The following STARD6 variants were observed in gnomAD, a reference collection of about 807,000 sequenced individuals.
The protein encoded by STARD6 is stAR-related lipid transfer protein 6.
STARD6 carries 21 observed loss-of-function variants against 22.3 expected under a neutral mutation model. That is an observed-to-expected ratio of 0.94 (90% confidence interval 0.67 to 1.35). The LOEUF (loss-of-function observed/expected upper bound fraction) is 1.35, where lower values mean the gene tolerates loss of function less well. Among genes scored for constraint, STARD6 ranks in the 40% most tolerant of loss-of-function variants. The pLI is 0.00. For synonymous variants in STARD6, 80 were observed against 88.1 expected, an observed-to-expected ratio of 0.91 and a Z score of 0.52; for missense variants, 269 against 266.9, an observed-to-expected ratio of 1.01 and a Z score of -0.05.
rs116687483 is a variant in STARD6 at position 54,344,851 on chromosome 18, T to C, written c.141-7600A>G. ...AGCATACGACAAAATCCAACACCCA[T>C]TCAGGATAAAGCATTCATAGAATGA... On this transcript the variant is annotated intron_variant, in intron 4 of 7. Coordinates refer to ENST00000307844, the MANE Select transcript of STARD6 (RefSeq NM_139171.2). 8.7e-3 allele frequency among the ~76,000 whole-genome samples: 1,324 copies of C among 152,178 alleles called. 19 individuals are homozygous for C. Among genetic ancestry groups the C allele is most frequent in the African/African-American group, 0.03 (1,253 of 41,528 alleles).
At chr18:54,352,801 A>T (rs574964446) in intron 4 of STARD6, among the ~76,000 whole-genome samples, 1 of 152,290 alleles carries the variant, frequency 6.6e-6, no homozygotes, top group South Asian at 2.1e-4. Context: ...TTTGTATAGC[A>T]CTCTCTAAAT....
chr18:54,328,598 A>G (rs1002768126), intron 7 of STARD6, among the ~76,000 whole-genome samples: 2 of 151,918 alleles, frequency 1.3e-5, no homozygotes, highest in African/African-American at 4.8e-5. Flanking sequence ...GTTAAGGAAT[A>G]CAGGTCCAAA....
At chr18:54,339,822 A>G (rs2088953977) in intron 4 of STARD6, among the ~76,000 whole-genome samples, 1 of 152,198 alleles carries the variant, frequency 6.6e-6, no homozygotes, top group Non-Finnish European at 1.5e-5. Context: ...CTAATGTTAC[A>G]ATACAGTATA....
At chr18:54,337,373 G>C in intron 4 of STARD6, 122 bp from the exon 5 acceptor site, 1 of 804,072 alleles carries the variant, frequency 1.2e-6, no homozygotes, top group Admixed American at 3.0e-5. Flanking sequence ...AAACTTGAAG[G>C]TACTATCAGC....
chr18:54,349,329 T>A (rs1448622527), intron 4 of STARD6, among the ~76,000 whole-genome samples: 1 of 152,036 alleles, frequency 6.6e-6, no homozygotes, highest in Non-Finnish European at 1.5e-5. Context: ...GGGGAATAGC[T>A]TGCCAGGCAA....
intron 4 of STARD6, among the ~76,000 whole-genome samples, chr18:54,350,276 A>G (rs556772054): frequency 1.3e-5 from 2 of 152,052 alleles, no homozygotes; most frequent in Non-Finnish European, 2.9e-5. Flanking sequence ...CCATTTGTAT[A>G]TCTTCTTTTG....
intron 4 of STARD6, among the ~76,000 whole-genome samples, chr18:54,338,289 A>C (rs988169804): frequency 1.3e-4 from 20 of 152,228 alleles, no homozygotes; most frequent in African/African-American, 4.8e-4. Context: ...CCAAGCTACC[A>C]GTCCCTGGCT....
intron 4 of STARD6, among the ~76,000 whole-genome samples, chr18:54,349,693 T>C (rs2089076285): frequency 6.6e-6 from 1 of 152,152 alleles, no homozygotes; most frequent in Non-Finnish European, 1.5e-5. Flanking sequence ...GTCCATTATA[T>C]CATTCTTATG....
At position 54,354,074 on chromosome 18, in the gene STARD6, A is replaced by G; in HGVS notation, c.120T>C (p.Ser40=). The change falls in exon 4 of 8, where the codon TCT becomes TCC. Residue 40 remains serine, a synonymous_variant. Coordinates refer to ENST00000307844, the MANE Select transcript of STARD6 (RefSeq NM_139171.2). ...CTCACAGATTTCCATGGAATTTTCT[A>G]GAAGCCTTACTGGAAACAGTTATCT... The part of the protein sequence containing the change: ...SKKITVSSKA[S]RKFHGNLYRV... 1 of 1,569,696 alleles carries G rather than the reference A, an allele frequency of 6.4e-7. No homozygotes were observed. Among genetic ancestry groups the G allele is most frequent in the Non-Finnish European group, 8.6e-7 (1 of 1,156,392 alleles).
At chr18:54,349,377 G>A (rs929101276) in intron 4 of STARD6, among the ~76,000 whole-genome samples, 4 of 152,160 alleles carry the variant, frequency 2.6e-5, no homozygotes, top group Non-Finnish European at 5.9e-5. Flanking sequence ...ATGGGTTTAA[G>A]TTCAGTGCAT....
At chr18:54,344,005 T>A (rs2089011506) in intron 4 of STARD6, among the ~76,000 whole-genome samples, 2 of 48,396 alleles carry the variant, frequency 4.1e-5, no homozygotes, top group Admixed American at 1.6e-4. Flanking sequence ...GAGGGGCGCC[T>A]CTGCCCGGCC....
intron 2 of STARD6, 52 bp from the exon 3 acceptor site, chr18:54,354,629 T>A: frequency 2.5e-6 from 3 of 1,222,146 alleles, no homozygotes; most frequent in Admixed American, 2.0e-5. Context: ...TATAAAAACT[T>A]AAAAAGTGCT....
At chr18:54,352,589 A>T (rs2089108014) in intron 4 of STARD6, among the ~76,000 whole-genome samples, 1 of 152,188 alleles carries the variant, frequency 6.6e-6, no homozygotes, top group South Asian at 2.1e-4. Context: ...TAAGATAATA[A>T]ATGTTTAAGT....
At chr18:54,352,699 T>G (rs1327133284) in intron 4 of STARD6, among the ~76,000 whole-genome samples, 4 of 152,246 alleles carry the variant, frequency 2.6e-5, no homozygotes, top group Non-Finnish European at 5.9e-5. Context: ...ACCAATTGTT[T>G]AGTTTTGCAT....
intron 4 of STARD6, among the ~76,000 whole-genome samples, chr18:54,338,671 A>G (rs1385776549): frequency 6.6e-6 from 1 of 152,102 alleles, no homozygotes; most frequent in East Asian, 1.9e-4. Context: ...AAACATGAAA[A>G]GTATGATTTA....
chr18:54,326,355 G>A (rs141853094), intron 7 of STARD6, among the ~76,000 whole-genome samples: 16,719 of 145,588 alleles, frequency 0.11, 3,332 homozygotes, highest in African/African-American at 0.41. Context: ...CTTTTGAGAC[G>A]GGGTCTCACT....
intron 4 of STARD6, among the ~76,000 whole-genome samples, chr18:54,353,287 T>C (rs1262354087): frequency 6.6e-6 from 1 of 152,190 alleles, no homozygotes; most frequent in Non-Finnish European, 1.5e-5. Context: ...AAAGTCAATA[T>C]ACTTTCCCTT....
At chr18:54,332,782 G>A (rs2088875884) in intron 5 of STARD6, among the ~76,000 whole-genome samples, 2 of 152,196 alleles carry the variant, frequency 1.3e-5, no homozygotes, top group Admixed American at 1.3e-4. Flanking sequence ...GCACATGCCT[G>A]TAATTCCAGC....
At chr18:54,328,886 G>A (rs989536105) in intron 7 of STARD6, among the ~76,000 whole-genome samples, 4 of 152,150 alleles carry the variant, frequency 2.6e-5, no homozygotes, top group Non-Finnish European at 4.4e-5. Flanking sequence ...TTATCTGAAT[G>A]TACCTACTGG....
Sources: gnomAD v4.1 joint callset for allele counts (sites outside exome capture counted in the v4.1 genomes callset) on GRCh38, gnomAD v4.1.1 for gene constraint, MANE v1.5 for transcripts, NCBI Gene and HGNC (gene_info 2026-07-23, HGNC 2026-07-21) for gene names.